Variants in ZNF420 observed in about 807,000 individuals in gnomAD.
The protein encoded by ZNF420 is zinc finger protein 420, also known as ATM and p53-associated KZNF protein.
ZNF420 carries 31 observed loss-of-function variants against 44.7 expected under a neutral mutation model. The observed-to-expected ratio is 0.69, with a 90% confidence interval of 0.52 to 0.94. The LOEUF is 0.94. Among genes scored for constraint, ZNF420 ranks in the 40% least tolerant of loss-of-function variants. The pLI is 0.00. For synonymous variants in ZNF420, 245 were observed against 267.4 expected, an observed-to-expected ratio of 0.92 and a Z score of 0.82; for missense variants, 681 against 827.9, an observed-to-expected ratio of 0.82 and a Z score of 2.18.
At chr19:37,075,456 A>G (rs1198159278), upstream of ZNF420, among the ~76,000 whole-genome samples, 1 of 152,162 alleles carries the variant, frequency 6.6e-6, no homozygotes, top group African/African-American at 2.4e-5. Flanking sequence ...TAAAAGAGAG[A>G]GAGAGGCCGG....
intron 1 of ZNF420, among the ~76,000 whole-genome samples, chr19:37,062,969 T>C (rs1423745204): frequency 6.6e-6 from 1 of 152,246 alleles, no homozygotes; most frequent in South Asian, 2.1e-4. Flanking sequence ...GGCACCAATA[T>C]GTACAAGCAT....
At chr19:37,083,540 G>C (rs1300975644) in intron 2 of ZNF420, among the ~76,000 whole-genome samples, 2 of 152,112 alleles carry the variant, frequency 1.3e-5, no homozygotes, top group Non-Finnish European at 2.9e-5. Context: ...AAACATATCT[G>C]TTATGTTTCG....
At chr19:37,078,134 G>C (rs976325825), upstream of ZNF420, 4 of 152,360 alleles carry the variant, frequency 2.6e-5, no homozygotes, top group Admixed American at 2.0e-4. Context: ...TCTCCTGCCA[G>C]GGGTAGACCC....
In ZNF420 at chr19:37,009,455, G is replaced by T. The variant is rs118119839; in HGVS notation, c.-125+1373G>T. 3.4e-4 allele frequency among the ~76,000 whole-genome samples: 52 copies of T among 152,210 alleles called. No homozygotes were observed. In the East Asian group the frequency reaches 8.1e-3, roughly 24 times the overall value. On this transcript the variant is annotated intron_variant, in intron 1 of 4. Coordinates refer to the ZNF420 transcript ENST00000587029. The stretch of plus-strand genomic sequence containing the variant: ...GGCACATGCCTGGACACCAGTGTTC[G>T]TCTCGCCATCGCCCCATATGGCCTC...
intron 1 of ZNF420, among the ~76,000 whole-genome samples, chr19:37,049,734 G>T (rs1041673306): frequency 6.6e-6 from 1 of 152,136 alleles, no homozygotes; most frequent in Admixed American, 6.5e-5. Flanking sequence ...GGTCCCATTT[G>T]TCAATTTTGG....
At chr19:37,048,947 A>G (rs1468130484) in intron 1 of ZNF420, among the ~76,000 whole-genome samples, 1 of 141,436 alleles carries the variant, frequency 7.1e-6, no homozygotes, top group Non-Finnish European at 1.5e-5. Context: ...ATTCCCACCT[A>G]TGAATGAGAA....
At chr19:37,037,776 G>A (rs931714898) in intron 1 of ZNF420, among the ~76,000 whole-genome samples, 2 of 152,228 alleles carry the variant, frequency 1.3e-5, no homozygotes, top group African/African-American at 2.4e-5. Context: ...TGGGATTACA[G>A]ACGTGAGCTA....
chr19:37,124,638 T>C (rs1971243562), intron 4 of ZNF420, among the ~76,000 whole-genome samples: 1 of 150,806 alleles, frequency 6.6e-6, no homozygotes, highest in South Asian at 2.1e-4. Context: ...TATAGACTCC[T>C]TCCCTTATAT....
chr19:37,117,377 C>G (rs1032069706), intron 4 of ZNF420, among the ~76,000 whole-genome samples: 2 of 152,236 alleles, frequency 1.3e-5, no homozygotes, highest in Admixed American at 1.3e-4. Flanking sequence ...GAGTGGACCT[C>G]TAGCAAACTC....
At chr19:37,071,337 A>G (rs1968054258) in intron 1 of ZNF420, among the ~76,000 whole-genome samples, 1 of 152,238 alleles carries the variant, frequency 6.6e-6, no homozygotes, top group Non-Finnish European at 1.5e-5. Context: ...TGAAATAGTT[A>G]TATAAAACTC....
intron 2 of ZNF420, among the ~76,000 whole-genome samples, chr19:37,087,296 AATAAATAAAT>A (rs1568446913): frequency 1.2e-4 from 15 of 123,226 alleles, no homozygotes; most frequent in Middle Eastern, 4.2e-3. Context: ...AAAAAAAATA[AATAAATAAAT>A]AAATAAATAA....
chr19:37,116,899 C>G (rs997175055), intron 4 of ZNF420, among the ~76,000 whole-genome samples: 38 of 152,124 alleles, frequency 2.5e-4, no homozygotes, highest in African/African-American at 8.4e-4. Context: ...AGCAGCGAGG[C>G]TGGGGGAGGG....
chr19:37,108,390 C>T (rs998014523), intron 4 of ZNF420: 2 of 152,156 alleles, frequency 1.3e-5, no homozygotes, highest in Non-Finnish European at 2.9e-5. Context: ...ACGGTGCTGC[C>T]AATTGAAAGT....
chr19:37,073,762 A>AAAG (rs1568437584), upstream of ZNF420, among the ~76,000 whole-genome samples: 1 of 151,470 alleles, frequency 6.6e-6, no homozygotes, highest in Non-Finnish European at 1.5e-5. Flanking sequence ...AAAAAAAAAA[A>AAAG]AAAAGAAAAG....
Position 37,128,462 on chromosome 19 carries a change from A to G in ZNF420, c.1471A>G (p.Thr491Ala). Residue 491 changes from threonine (T) to alanine (A), a missense_variant, in exon 5 of 5, where the codon ACT (threonine) becomes GCT (alanine). Physicochemically the swap from Thr to Ala is moderately conservative, Grantham distance 58. Transcript: ENST00000337995. ...ATCTTTTATTCGTGGTTCCCAGCTTACTCAACATCAGAGAATCCATACTGG... is the reference window on the plus strand; with the variant it reads ...ATCTTTTATTCGTGGTTCCCAGCTTGCTCAACATCAGAGAATCCATACTGG... ...GKSFIRGSQL[T>A]QHQRIHTGEK... The G allele has an allele frequency of 6.2e-7, 1 of 1,614,144 alleles. No homozygotes were observed. The highest frequency in any genetic ancestry group is 2.2e-5 in the East Asian group (1 of 44,868).
In ZNF420 at chr19:37,114,304, G is replaced by A. The variant is rs551068055; in HGVS notation, c.137-12824G>A. Among the ~76,000 whole-genome samples the A allele has an allele frequency of 3.6e-4, 55 of 152,110 alleles. 1 individual carries two copies. In the South Asian group the frequency reaches 3.7e-3, roughly 10 times the overall value. On this transcript the variant is annotated intron_variant, in intron 4 of 4. Transcript: ENST00000337995. Reference sequence around the variant, plus strand: ...TGGCTGTCCATACTGATTTTCTGGGGGCGGCTGATCCTGAAGTTCGGCTGG... The same window carrying A: ...TGGCTGTCCATACTGATTTTCTGGGAGCGGCTGATCCTGAAGTTCGGCTGG...
intron 2 of ZNF420, among the ~76,000 whole-genome samples, chr19:37,087,298 T>TA (rs1310130432): frequency 1.5e-4 from 16 of 106,486 alleles, no homozygotes; most frequent in South Asian, 1.1e-3. Context: ...AAAAAATAAA[T>TA]AAATAAATAA....
At chr19:37,016,136 G>A (rs545765855) in intron 1 of ZNF420, among the ~76,000 whole-genome samples, 3 of 152,298 alleles carry the variant, frequency 2.0e-5, no homozygotes, top group South Asian at 2.1e-4. Flanking sequence ...CTCCTATTCC[G>A]TCAGATGACT....
chr19:37,039,819 G>T (rs1380639135), intron 1 of ZNF420, among the ~76,000 whole-genome samples: 2 of 151,868 alleles, frequency 1.3e-5, no homozygotes, highest in Non-Finnish European at 2.9e-5. Context: ...TCCCACCTCA[G>T]CCTCCTGAGT....
Sources: allele counts gnomAD v4.1 joint callset (sites outside exome capture counted in the v4.1 genomes callset), GRCh38; gene constraint gnomAD v4.1.1; transcripts MANE v1.5; gene names NCBI Gene and HGNC (gene_info 2026-07-23, HGNC 2026-07-21).